ZMYND8: variants seen among roughly 807,000 people sequenced by gnomAD.
ZMYND8 encodes zinc finger MYND-type containing 8.
In ZMYND8, 37 loss-of-function variants were observed where a neutral mutation model predicts 140.8. The ratio of observed to expected loss-of-function variants is 0.26; its 90% CI spans 0.20 to 0.35. The LOEUF (loss-of-function observed/expected upper bound fraction) is 0.35. Among genes scored for constraint, ZMYND8 ranks in the 10% least tolerant of loss-of-function variants. The pLI is 1.00. For missense variants in ZMYND8, 1,068 were observed against 1,570.0 expected, an observed-to-expected ratio of 0.68 and a Z score of 5.40; for synonymous variants, 592 against 597.1, an observed-to-expected ratio of 0.99 and a Z score of 0.12.
chr20:47,300,939 G>A (rs1474674147), intron 3 of ZMYND8, among the ~76,000 whole-genome samples: 1 of 137,216 alleles, frequency 7.3e-6, no homozygotes, highest in African/African-American at 2.7e-5. Context: ...TGTGTGTTTT[G>A]TTTTGTTTTT....
chr20:47,242,068 C>T (rs112590505), intron 14 of ZMYND8, among the ~76,000 whole-genome samples: 323 of 152,256 alleles, frequency 2.1e-3, no homozygotes, highest in South Asian at 7.1e-3. Flanking sequence ...CCACCCGCCT[C>T]GGCCTCCCAA....
At chr20:47,351,625 A>G (rs1301967828) in intron 1 of ZMYND8, 163 of 970,562 alleles carry the variant, frequency 1.7e-4, no homozygotes, top group Non-Finnish European at 1.9e-4. Context: ...ATTAAAAACC[A>G]TGCTTCCCTA....
intron 17 of ZMYND8, among the ~76,000 whole-genome samples, chr20:47,229,501 T>G (rs951565624): frequency 5.9e-5 from 9 of 152,192 alleles, no homozygotes; most frequent in African/African-American, 2.2e-4. Context: ...TTTGGCTGTT[T>G]TATTAGAAAT....
At chr20:47,305,327 A>G (rs1204354258) in intron 3 of ZMYND8, among the ~76,000 whole-genome samples, 1 of 151,478 alleles carries the variant, frequency 6.6e-6, no homozygotes, top group African/African-American at 2.4e-5. Flanking sequence ...GTTCACTACA[A>G]CCTCCGAGGT....
At chr20:47,240,000 G>A (rs2039743940) in intron 14 of ZMYND8, among the ~76,000 whole-genome samples, 1 of 152,198 alleles carries the variant, frequency 6.6e-6, no homozygotes, top group Non-Finnish European at 1.5e-5. Flanking sequence ...ACTTCGGGAG[G>A]CTGAGGCAGG....
chr20:47,228,285 C>CA (rs2037984157), intron 17 of ZMYND8, among the ~76,000 whole-genome samples: 1 of 152,038 alleles, frequency 6.6e-6, no homozygotes, highest in African/African-American at 2.4e-5. Context: ...AGGGCAGCCC[C>CA]ACAACAGAAA....
At chr20:47,268,980 C>T (rs2075744357) in intron 11 of ZMYND8, among the ~76,000 whole-genome samples, 1 of 152,114 alleles carries the variant, frequency 6.6e-6, no homozygotes, top group Non-Finnish European at 1.5e-5. Context: ...GCAGGCAGAT[C>T]ATCTGAGGTC....
Position 47,245,253 on chromosome 20 carries a change from G to GC in ZMYND8, c.2284+754dup, listed in dbSNP as rs1165874059. On this transcript the variant is annotated intron_variant, in intron 14 of 22. Coordinates refer to ENST00000471951, the MANE Select transcript of ZMYND8 (RefSeq NM_001281775.3). ...CATCAAAACCTTTGAAATGAACACTGCTTTTTTTTTAGAGAGGGAGTCTTG... is the reference window on the plus strand; with the variant it reads ...CATCAAAACCTTTGAAATGAACACTGCCTTTTTTTTTAGAGAGGGAGTCTTG... Among the ~76,000 whole-genome samples the GC allele has an allele frequency of 4.6e-5, 7 of 152,172 alleles. No individual in the cohort carries two copies. The South Asian group carries it at 1.5e-3, about 32-fold the overall frequency.
chr20:47,210,428 T>A lies in ZMYND8; in HGVS notation c.*333A>T, dbSNP rs965385623. The A allele has an allele frequency of 8.0e-4, 129 of 161,478 alleles. 1 individual carries two copies. The highest frequency in any genetic ancestry group is 1.2e-3 in the Non-Finnish European group (90 of 77,208). The allele number at this position is 161,478 out of a possible 1,614,324, so 10.0% of individuals were successfully genotyped here. A position where few individuals can be genotyped will look rare whatever the true frequency, so the allele number is the denominator to read the frequency against. ...GGTTGGTTGCTTTTTTTTTTTTTTT[T>A]AAATCGTTTTTCTTTTTCTTTTTTT... On this transcript the variant is annotated 3_prime_UTR_variant, in exon 23 of 23. Transcript: ENST00000471951.
intron 7 of ZMYND8, among the ~76,000 whole-genome samples, chr20:47,288,157 A>G (rs905447014): frequency 2.0e-5 from 3 of 152,144 alleles, no homozygotes; most frequent in African/African-American, 7.2e-5. Flanking sequence ...TTTGCCTTGA[A>G]AACTCAGAAG....
chr20:47,299,709 G>A (rs912605081), intron 3 of ZMYND8, among the ~76,000 whole-genome samples: 1 of 151,988 alleles, frequency 6.6e-6, no homozygotes, highest in African/African-American at 2.4e-5. Flanking sequence ...TCAGCCTCCT[G>A]AGTAGCTGGG....
intron 14 of ZMYND8, among the ~76,000 whole-genome samples, chr20:47,240,496 A>G (rs545163926): frequency 6.6e-6 from 1 of 151,314 alleles, no homozygotes; most frequent in Admixed American, 6.6e-5. Flanking sequence ...CCTGGGTGAC[A>G]GGGTGAGACT....
At chr20:47,317,179 A>C (rs1026392528) in intron 2 of ZMYND8, among the ~76,000 whole-genome samples, 2 of 152,214 alleles carry the variant, frequency 1.3e-5, no homozygotes, top group African/African-American at 4.8e-5. Context: ...AGGTCCAACA[A>C]ACAGTTTCAG....
Position 47,347,997 on chromosome 20 carries a change from A to G in ZMYND8, c.15-71T>C, listed in dbSNP as rs143835748. The G allele has an allele frequency of 3.3e-3, 4,876 of 1,466,080 alleles. 207 individuals carry two copies. In the Admixed American group the frequency reaches 0.073, roughly 22 times the overall value. 90.8% of individuals were successfully genotyped at this position (1,466,080 alleles called of 1,614,324 possible). A position where few individuals can be genotyped will look rare whatever the true frequency, so the allele number is the denominator to read the frequency against. On this transcript the variant is annotated intron_variant, in intron 1 of 22. Coordinates refer to ENST00000471951, the MANE Select transcript of ZMYND8 (RefSeq NM_001281775.3). ...TGCCCCATGGGGGCAGCTATTTGGA[A>G]GTTCTAGCAACAAACACACCTTAAA...
At chr20:47,245,059 C>A (rs192050358) in intron 14 of ZMYND8, among the ~76,000 whole-genome samples, 4 of 151,940 alleles carry the variant, frequency 2.6e-5, no homozygotes, top group South Asian at 2.1e-4. Flanking sequence ...TTCTGTCCGC[C>A]CCCCCTCCCC....
intron 15 of ZMYND8, among the ~76,000 whole-genome samples, chr20:47,237,003 ACAAAT>A (rs1407877258): frequency 6.6e-6 from 1 of 152,186 alleles, no homozygotes; most frequent in Non-Finnish European, 1.5e-5. Flanking sequence ...TCACCCCTGT[ACAAAT>A]CAAAGTTAAT....
rs550094860 is a variant in ZMYND8, at chr20:47,239,113, C to T, written c.2310G>A (p.Thr770=). Residue 770 remains threonine (T), a synonymous_variant, in exon 15 of 23, where the codon ACG becomes ACA. Coordinates refer to ENST00000471951, the MANE Select transcript of ZMYND8 (RefSeq NM_001281775.3). The part of the protein sequence containing the change: ...QDVVGKTPPS[T]TVGSHSPPET... Reference sequence around the variant, plus strand: ...CCGGGGGAGAATGGCTGCCCACCGTCGTGGATGGTGGAGTTTTACCTACAA... The same window carrying T: ...CCGGGGGAGAATGGCTGCCCACCGTTGTGGATGGTGGAGTTTTACCTACAA... The T allele has an allele frequency of 2.0e-6, 3 of 1,505,580 alleles. No individual in the cohort carries two copies. The highest frequency in any genetic ancestry group is 2.8e-5 in the African/African-American group (2 of 71,764). 93.3% of individuals were successfully genotyped at this position (1,505,580 alleles called of 1,614,324 possible).
chr20:47,248,029 A>G (rs1357059316), intron 13 of ZMYND8, among the ~76,000 whole-genome samples: 1 of 152,228 alleles, frequency 6.6e-6, no homozygotes, highest in Non-Finnish European at 1.5e-5. Flanking sequence ...CAAGAAGGAA[A>G]AGTGTAAGCA....
chr20:47,288,286 C>A (rs1298813134), intron 7 of ZMYND8, among the ~76,000 whole-genome samples: 1 of 151,768 alleles, frequency 6.6e-6, no homozygotes, highest in Non-Finnish European at 1.5e-5. Context: ...GCCTTCTTGG[C>A]TTGTGCTAAT....
Sources: allele counts gnomAD v4.1 joint callset (sites outside exome capture counted in the v4.1 genomes callset), GRCh38; gene constraint gnomAD v4.1.1; transcripts MANE v1.5; gene names NCBI Gene and HGNC (gene_info 2026-07-23, HGNC 2026-07-21).